The following COX10 variants were observed in gnomAD, a reference collection of about 807,000 sequenced individuals.
COX10 encodes the protein protoheme IX farnesyltransferase, mitochondrial.
In COX10, 27 loss-of-function variants were observed where a neutral mutation model predicts 37.3. The ratio of observed to expected loss-of-function variants is 0.72; its 90% CI spans 0.53 to 1.00. The LOEUF (loss-of-function observed/expected upper bound fraction) is 1.00. Ranked by LOEUF, COX10 falls within the 50% of genes least tolerant of loss-of-function variation. The pLI is 0.00. For missense variants in COX10, 475 were observed against 563.2 expected (o/e 0.84, Z 1.59); for synonymous variants, 222 against 229.1 (o/e 0.97, Z 0.28).
intron 4 of COX10, among the ~76,000 whole-genome samples, chr17:14,143,677 A>C (rs2142227695): frequency 6.6e-6 from 1 of 152,168 alleles, no homozygotes; most frequent in East Asian, 1.9e-4. Context: ...GAAACGTGTA[A>C]ATCTTTCAGG....
chr17:14,093,465 C>T (rs1915572929), intron 3 of COX10, among the ~76,000 whole-genome samples: 1 of 152,128 alleles, frequency 6.6e-6, no homozygotes, highest in African/African-American at 2.4e-5. Flanking sequence ...GATAAAGTTG[C>T]TTCTTCAAGA....
At chr17:14,166,612 C>CTTTT (rs71147845) in intron 5 of COX10, among the ~76,000 whole-genome samples, 37 of 96,546 alleles carry the variant, frequency 3.8e-4, no homozygotes, top group South Asian at 1.7e-3. Flanking sequence ...TCAATTCGAC[C>CTTTT]TTTTTTTTTT....
At chr17:14,170,147 A>C (rs949171516) in intron 5 of COX10, among the ~76,000 whole-genome samples, 1 of 152,200 alleles carries the variant, frequency 6.6e-6, no homozygotes, top group Non-Finnish European at 1.5e-5. Flanking sequence ...GAGCTAAGTA[A>C]ACTTTTTAAA....
intron 3 of COX10, among the ~76,000 whole-genome samples, chr17:14,090,359 T>A (rs1030813157): frequency 6.6e-6 from 1 of 152,158 alleles, no homozygotes; most frequent in Non-Finnish European, 1.5e-5. Flanking sequence ...AGATTGTCTC[T>A]TATACTAAGA....
At chr17:14,159,785 A>G in intron 4 of COX10, 92 bp from the exon 5 acceptor site, 1 of 917,880 alleles carries the variant, frequency 1.1e-6, no homozygotes, top group Non-Finnish European at 1.7e-6. Context: ...ATTAAAATGA[A>G]GTTTACTACA....
chr17:14,097,784 G>T (rs1305746763), intron 3 of COX10, among the ~76,000 whole-genome samples: 1 of 152,098 alleles, frequency 6.6e-6, no homozygotes, highest in Non-Finnish European at 1.5e-5. Flanking sequence ...AAAAAAATTT[G>T]TTAAGCACAA....
chr17:14,169,181 T>G (rs1255021894), intron 5 of COX10, among the ~76,000 whole-genome samples: 1 of 152,190 alleles, frequency 6.6e-6, no homozygotes, highest in Non-Finnish European at 1.5e-5. Flanking sequence ...AAGTTCAAAG[T>G]TCCACAGATC....
chr17:14,069,983 G>A (rs1394394592), intron 1 of COX10, among the ~76,000 whole-genome samples: 1 of 152,224 alleles, frequency 6.6e-6, no homozygotes, highest in Non-Finnish European at 1.5e-5. Flanking sequence ...CTCCTTATCA[G>A]AGCCTCGGCT....
intron 3 of COX10, among the ~76,000 whole-genome samples, chr17:14,101,227 A>G (rs1915772284): frequency 6.6e-6 from 1 of 152,124 alleles, no homozygotes; most frequent in African/African-American, 2.4e-5. Flanking sequence ...CATACTTTGG[A>G]TTCTTGACAT....
chr17:14,167,651 G>A (rs1380240792), intron 5 of COX10, among the ~76,000 whole-genome samples: 1 of 152,204 alleles, frequency 6.6e-6, no homozygotes, highest in East Asian at 1.9e-4. Context: ...AGTAGAAGGT[G>A]AAGCAGAAGC....
intron 4 of COX10, among the ~76,000 whole-genome samples, chr17:14,144,121 AC>A (rs1904635942): frequency 6.6e-6 from 1 of 151,644 alleles, no homozygotes; most frequent in South Asian, 2.1e-4. Flanking sequence ...TCTGGCCTCC[AC>A]CCCCACCGTG....
intron 6 of COX10, among the ~76,000 whole-genome samples, chr17:14,198,071 G>A (rs1352137409): frequency 6.6e-6 from 1 of 152,166 alleles, no homozygotes; most frequent in East Asian, 1.9e-4. Context: ...CAGAATGAGA[G>A]GGTTGCTTTC....
intron 4 of COX10, among the ~76,000 whole-genome samples, chr17:14,144,664 T>A (rs569258443): frequency 4.7e-4 from 71 of 152,332 alleles, no homozygotes; most frequent in African/African-American, 1.6e-3. Context: ...AAAGATGGAA[T>A]TGTAGCCGTT....
intron 4 of COX10, among the ~76,000 whole-genome samples, chr17:14,108,882 A>G (rs960551514): frequency 3.9e-5 from 6 of 152,176 alleles, no homozygotes; most frequent in African/African-American, 7.2e-5. Context: ...GTCTGCCTAG[A>G]GCAATAGAAA....
At chr17:14,191,955 G>C in intron 5 of COX10, 34 bp from the exon 6 acceptor site, 1 of 1,608,620 alleles carries the variant, frequency 6.2e-7, no homozygotes. Flanking sequence ...TTGAGTTGGA[G>C]ATGATCACTC....
intron 3 of COX10, among the ~76,000 whole-genome samples, chr17:14,092,565 C>T (rs1052054705): frequency 2.6e-5 from 4 of 152,044 alleles, no homozygotes; most frequent in African/African-American, 7.2e-5. Context: ...AAAAATAGCA[C>T]GTCTCATATC....
chr17:14,193,421 G>A (rs1906272034), intron 6 of COX10, among the ~76,000 whole-genome samples: 1 of 151,292 alleles, frequency 6.6e-6, no homozygotes, highest in South Asian at 2.1e-4. Flanking sequence ...GTATGCTGTT[G>A]TTATCATTCA....
intron 5 of COX10, among the ~76,000 whole-genome samples, chr17:14,191,445 T>A (rs78656823): frequency 0.56 from 84,326 of 151,222 alleles, 23,797 homozygotes; most frequent in South Asian, 0.6. Flanking sequence ...TCAGAGGCAC[T>A]TCATTGCTAC....
At chr17:14,172,319 A>T (rs2530364) in intron 5 of COX10, among the ~76,000 whole-genome samples, 1 of 152,040 alleles carries the variant, frequency 6.6e-6, no homozygotes, top group African/African-American at 2.4e-5. Context: ...ATTTTTAGTT[A>T]TTTGGGAGAT....
Sources: allele counts gnomAD v4.1 joint callset (sites outside exome capture counted in the v4.1 genomes callset), GRCh38; gene constraint gnomAD v4.1.1; transcripts MANE v1.5; gene names NCBI Gene and HGNC (gene_info 2026-07-23, HGNC 2026-07-21).